DMXL1: variants seen among roughly 807,000 people sequenced by gnomAD.
DMXL1 encodes the protein dmX-like protein 1.
In DMXL1, 99 loss-of-function variants were observed where a neutral mutation model predicts 319.2. The ratio of observed to expected loss-of-function variants is 0.31; its 90% confidence interval spans 0.26 to 0.37. The LOEUF (loss-of-function observed/expected upper bound fraction) is 0.37. DMXL1 is among the 10% of genes least tolerant of loss of function. The pLI, the probability that DMXL1 is intolerant of heterozygous loss-of-function variation, is 1.00. For missense variants in DMXL1, 3,745 were observed against 3,595.6 expected, an observed-to-expected ratio of 1.04 and a Z score of -1.06; for synonymous variants, 1,385 against 1,235.2, an observed-to-expected ratio of 1.12 and a Z score of -2.54.
chr5:119,173,139 G>C (rs1347036978), intron 25 of DMXL1, among the ~76,000 whole-genome samples: 1 of 152,062 alleles, frequency 6.6e-6, no homozygotes, highest in Non-Finnish European at 1.5e-5. Flanking sequence ...AGGAATTCAA[G>C]ACCAGCCTGA....
intron 1 of DMXL1, among the ~76,000 whole-genome samples, chr5:119,097,567 A>G (rs1756262869): frequency 1.3e-5 from 2 of 152,022 alleles, no homozygotes; most frequent in African/African-American, 4.8e-5. Flanking sequence ...AATACAAAAA[A>G]CTAGCCGGGC....
At chr5:119,232,352 T>A (rs1461607810) in intron 38 of DMXL1, among the ~76,000 whole-genome samples, 1 of 152,200 alleles carries the variant, frequency 6.6e-6, no homozygotes, top group African/African-American at 2.4e-5. Context: ...TTATTTTAAA[T>A]ATTTGATAAG....
intron 19 of DMXL1, among the ~76,000 whole-genome samples, chr5:119,153,748 C>T (rs1264564542): frequency 2.6e-5 from 4 of 152,178 alleles, no homozygotes; most frequent in Non-Finnish European, 2.9e-5. Context: ...GACAAGATTT[C>T]GTTTTTTAAG....
In DMXL1 at chr5:119,150,484, A is replaced by G; in HGVS notation, c.4594+63A>G. On this transcript the variant is annotated intron_variant, in intron 18 of 43. Coordinates refer to ENST00000539542, the MANE Select transcript of DMXL1 (RefSeq NM_001290321.3). ...CTTTCACAGAAAATAATTTTAAATA[A>G]TTTTTATTAAAATGATGCCATTGGC... The G allele has an allele frequency of 2.7e-6, 4 of 1,489,138 alleles. No individual in the cohort carries two copies. In the South Asian group the frequency reaches 5.7e-5, roughly 21 times the overall value. 92.2% of individuals were successfully genotyped at this position (1,489,138 alleles called of 1,614,324 possible).
rs2150715939 is a variant in DMXL1, at chr5:119,237,328, A to G, written c.8473A>G (p.Ile2825Val). 6.4e-7 allele frequency: 1 copy of G among 1,572,428 alleles called. No homozygotes were observed. Among genetic ancestry groups the G allele is most frequent in the Non-Finnish European group, 8.7e-7 (1 of 1,149,668 alleles). ...RFNYQGNKFG[I>V]VDADGYLSLY... ...AATATTTTCTTTCTCTAAGTTTGGA[A>G]TAGTTGATGCTGATGGATATTTAAG... The change falls in exon 40 of 44, where the codon ATA becomes GTA. Residue 2825 changes from isoleucine to valine, a missense_variant. This residue lies in a region of DMXL1 where 262 missense variants were observed against 320.5 expected (regional missense o/e 0.82). Coordinates refer to ENST00000539542, the MANE Select transcript of DMXL1 (RefSeq NM_001290321.3).
intron 13 of DMXL1, among the ~76,000 whole-genome samples, 186 bp downstream of exon 13, chr5:119,134,575 C>T (rs1380589654): frequency 1.3e-5 from 2 of 152,140 alleles, no homozygotes; most frequent in Non-Finnish European, 2.9e-5. Flanking sequence ...CCATTTCTTT[C>T]ACTCTTTGAA....
chr5:119,159,598 G>T (rs903947497), intron 19 of DMXL1, among the ~76,000 whole-genome samples: 41 of 152,212 alleles, frequency 2.7e-4, no homozygotes, highest in Admixed American at 5.2e-4. Flanking sequence ...GTGTCTCTTC[G>T]TTAACTTCTA....
rs973347940 is a variant in DMXL1, at chr5:119,248,007, A to G, written c.*788A>G. ...TTTTCAAATAAGTTTCAAGGAGACT[A>G]TCAGGATTATTATTTTAAAGATTAG... On this transcript the variant is annotated 3_prime_UTR_variant, in exon 44 of 44. Coordinates refer to ENST00000539542, the MANE Select transcript of DMXL1 (RefSeq NM_001290321.3). The G allele has an allele frequency of 2.6e-5, 4 of 152,140 alleles. No individual in the cohort carries two copies. Among genetic ancestry groups the G allele is most frequent in the African/African-American group, 9.7e-5 (4 of 41,440 alleles). 9.4% of individuals were successfully genotyped at this position (152,140 alleles called of 1,614,324 possible). A position where few individuals can be genotyped will look rare whatever the true frequency, so the allele number is the denominator to read the frequency against.
At chr5:119,217,385 A>G (rs1783869706) in intron 35 of DMXL1, among the ~76,000 whole-genome samples, 1 of 152,116 alleles carries the variant, frequency 6.6e-6, no homozygotes, top group Admixed American at 6.6e-5. Context: ...TTTGATTTAT[A>G]CCTCCGATAG....
At chr5:119,076,821 T>A (rs1436697285) in intron 1 of DMXL1, among the ~76,000 whole-genome samples, 1 of 152,186 alleles carries the variant, frequency 6.6e-6, no homozygotes, top group Non-Finnish European at 1.5e-5. Flanking sequence ...TGCCAAAATT[T>A]AAAGTTGAAA....
rs368239161 is a variant in DMXL1, at chr5:119,158,481, G to A, written c.4703-6026G>A. On this transcript the variant is annotated intron_variant, in intron 19 of 43. Transcript: ENST00000539542. ...GGATGCCTTTTTATTTCTTTCTCTTGTCTAAATGCTCTGGCAGGGACTTCT... is the reference window on the plus strand; with the variant it reads ...GGATGCCTTTTTATTTCTTTCTCTTATCTAAATGCTCTGGCAGGGACTTCT... 1.4e-4 allele frequency among the ~76,000 whole-genome samples: 21 copies of A among 152,148 alleles called. 1 individual carries two copies. In the East Asian group the frequency reaches 2.3e-3, roughly 17 times the overall value.
chr5:119,196,756 G>A (rs1779715060), intron 31 of DMXL1, among the ~76,000 whole-genome samples: 1 of 152,056 alleles, frequency 6.6e-6, no homozygotes, highest in African/African-American at 2.4e-5. Context: ...AGAAAACTAA[G>A]CAAATGCAAA....
chr5:119,244,393 A>C lies in DMXL1; in HGVS notation c.8739A>C (p.Leu2913Phe). Residue 2913 changes from leucine (L) to phenylalanine (F), a missense_variant, in exon 43 of 44, where the codon TTA becomes TTC. Physicochemically the swap from Leu to Phe is conservative, Grantham distance 22 (BLOSUM62 0). Around this residue, in one of 4 missense-constraint regions of DMXL1, gnomAD observed 262 missense variants for 320.5 expected, o/e 0.82. Transcript: ENST00000539542. The part of the protein sequence containing the change: ...FTCHDSGATV[L>F]AYAPKHQLLI... ...GCCATGACAGTGGAGCCACAGTTTTAGCATATGCTCCAAAACATCAGCTAC... is the reference window on the plus strand; with the variant it reads ...GCCATGACAGTGGAGCCACAGTTTTCGCATATGCTCCAAAACATCAGCTAC... 6.2e-7 allele frequency: 1 copy of C among 1,613,956 alleles called. No homozygotes were observed. Among genetic ancestry groups the C allele is most frequent in the Non-Finnish European group, 8.5e-7 (1 of 1,179,966 alleles).
rs759161547 is a variant in DMXL1, at chr5:119,150,175, C to G, written c.4348C>G (p.Gln1450Glu). The change falls in exon 18 of 44, where the codon CAA (glutamine) becomes GAA (glutamate). Residue 1450 changes from glutamine (Q) to glutamate (E), a missense_variant. This residue lies in a region of DMXL1 where 2,096 missense variants were observed against 1,985.4 expected (regional missense o/e 1.06). Coordinates refer to ENST00000539542, the MANE Select transcript of DMXL1 (RefSeq NM_001290321.3). Reference sequence around the variant, plus strand: ...AAGTTATGATGAGCTTTTTCAGACTCAACTTCTAATGACTGATACTCATAT... The same window carrying G: ...AAGTTATGATGAGCTTTTTCAGACTGAACTTCTAATGACTGATACTCATAT... The part of the protein sequence containing the change: ...KESYDELFQT[Q>E]LLMTDTHMLE... 3.1e-6 allele frequency: 5 copies of G among 1,613,690 alleles called. No homozygotes were observed. Among genetic ancestry groups the G allele is most frequent in the Middle Eastern group, 1.7e-4 (1 of 6,058 alleles).
intron 1 of DMXL1, among the ~76,000 whole-genome samples, chr5:119,082,666 A>G (rs1049730915): frequency 6.6e-6 from 1 of 152,246 alleles, no homozygotes; most frequent in South Asian, 2.1e-4. Flanking sequence ...ATTTGTGAAG[A>G]TTAAATCACT....
At chr5:119,237,099 A>G (rs1425077228) in intron 39 of DMXL1, 2 of 288,758 alleles carry the variant, frequency 6.9e-6, no homozygotes, top group Non-Finnish European at 1.3e-5. Flanking sequence ...CTACTGTAAT[A>G]AAATGGGTGT....
intron 38 of DMXL1, among the ~76,000 whole-genome samples, chr5:119,227,621 T>G (rs1341712662): frequency 6.6e-6 from 1 of 151,940 alleles, no homozygotes; most frequent in Non-Finnish European, 1.5e-5. Flanking sequence ...TGTTTTTTGG[T>G]TTTTTTTCAA....
chr5:119,075,363 C>G (rs1256926825), intron 1 of DMXL1, among the ~76,000 whole-genome samples: 1 of 151,736 alleles, frequency 6.6e-6, no homozygotes, highest in Non-Finnish European at 1.5e-5. Flanking sequence ...CCTCTGCCTC[C>G]CAAGCAGCTG....
chr5:119,127,936 C>A, intron 9 of DMXL1: 1 of 373,812 alleles, frequency 2.7e-6, no homozygotes, highest in South Asian at 2.3e-5. Context: ...AACTTAGTAT[C>A]AAATGGTTTA....
Sources: gnomAD v4.1 joint callset for allele counts (sites outside exome capture counted in the v4.1 genomes callset) on GRCh38, gnomAD v4.1.1 for gene constraint, gnomAD v4.1.1 regional missense constraint, MANE v1.5 for transcripts, NCBI Gene and HGNC (gene_info 2026-07-23, HGNC 2026-07-21) for gene names.